SNTG2: variants seen among roughly 807,000 people sequenced by gnomAD.
The protein encoded by SNTG2 is gamma-2-syntrophin.
A neutral mutation model predicts 70.9 loss-of-function variants in SNTG2; 74 were observed. The ratio of observed to expected loss-of-function variants is 1.04; its 90% CI spans 0.86 to 1.27. SNTG2 has a LOEUF of 1.27. Among genes scored for constraint, SNTG2 ranks in the 50% most tolerant of loss-of-function variants. The probability of loss-of-function intolerance (pLI) is 0.00; values close to 1 mark genes in which losing one functional copy is unlikely to be tolerated. For missense variants in SNTG2, 717 were observed against 690.7 expected (o/e 1.04, Z -0.43); for synonymous variants, 278 against 273.8 (o/e 1.02, Z -0.15).
Position 995,889 on chromosome 2 carries a change from A to G in SNTG2, c.72+44821A>G, listed in dbSNP as rs2147982366. On this transcript the variant is annotated intron_variant, in intron 1 of 16. Coordinates refer to ENST00000308624, the MANE Select transcript of SNTG2 (RefSeq NM_018968.4). The stretch of plus-strand genomic sequence containing the variant: ...GGAAAAGAAACACAATCAGGAGGAG[A>G]GAGAGAATTAGTTGGCAAACAGCTC... Among the ~76,000 whole-genome samples the G allele has an allele frequency of 1.3e-5, 2 of 152,296 alleles. 1 individual carries two copies.
At chr2:1,096,205 T>C (rs556194282) in intron 2 of SNTG2, among the ~76,000 whole-genome samples, 23 of 152,310 alleles carry the variant, frequency 1.5e-4, no homozygotes, top group African/African-American at 5.5e-4. Flanking sequence ...TCAGCTTTAT[T>C]GAGCTACAAC....
intron 6 of SNTG2, among the ~76,000 whole-genome samples, chr2:1,146,783 A>G (rs961963120): frequency 5.3e-4 from 80 of 152,198 alleles, no homozygotes; most frequent in African/African-American, 1.7e-3. Flanking sequence ...AAAACATTAT[A>G]ATGGGGAAAA....
chr2:1,303,545 G>T (rs1558191478), intron 14 of SNTG2, among the ~76,000 whole-genome samples: 1 of 152,140 alleles, frequency 6.6e-6, no homozygotes, highest in Non-Finnish European at 1.5e-5. Context: ...AAGAGGAAAG[G>T]TCTAAAAACT....
chr2:967,632 T>C lies in SNTG2; in HGVS notation c.72+16564T>C, dbSNP rs571235037. On this transcript the variant is annotated intron_variant, in intron 1 of 16. Transcript: ENST00000308624. The stretch of plus-strand genomic sequence containing the variant: ...TATTTTGTCAGTGGGCATTTGCTTC[T>C]ACATTCACGTTGGATGTTGGTTTGT... Among the ~76,000 whole-genome samples, 86 of 152,352 alleles carry C rather than the reference T, an allele frequency of 5.6e-4. 1 individual carries two copies. The highest frequency in any genetic ancestry group is 2.1e-3 in the African/African-American group (86 of 41,594).
intron 2 of SNTG2, among the ~76,000 whole-genome samples, chr2:1,094,511 G>A (rs1195417100): frequency 3.0e-5 from 2 of 67,156 alleles, no homozygotes; most frequent in Non-Finnish European, 2.7e-5. Flanking sequence ...TACTGGCAAG[G>A]GCTGGCTTCC....
At chr2:1,338,703 A>C (rs1187030928) in intron 16 of SNTG2, among the ~76,000 whole-genome samples, 1 of 152,164 alleles carries the variant, frequency 6.6e-6, no homozygotes, top group Admixed American at 6.5e-5. Context: ...TATGTACCAG[A>C]ACATTCTTTT....
chr2:1,267,560 C>T lies in SNTG2; in HGVS notation c.1273C>T (p.Gln425Ter), dbSNP rs1678811808. The T allele has an allele frequency of 2.5e-6, 4 of 1,612,776 alleles. No individual in the cohort carries two copies. The highest frequency in any genetic ancestry group is 3.4e-6 in the Non-Finnish European group (4 of 1,179,848). ...SFQRATFMEV[Q>*]RTGSRTYMCS... ...CCAAAGAGCCACGTTCATGGAAGTT[C>T]AGAGAACCGGGGTAAGTGAACAACT... Residue 425 changes from glutamine (Q) to a stop codon, truncating the protein, a stop_gained, in exon 14 of 17, where the codon CAG becomes TAG. Coordinates refer to ENST00000308624, the MANE Select transcript of SNTG2 (RefSeq NM_018968.4). LOFTEE classifies it high-confidence loss of function.
Position 1,137,679 on chromosome 2 carries a change from A to G in SNTG2, c.369+14A>G. The stretch of plus-strand genomic sequence containing the variant: ...GCTGTTCTCCAGGTCAGTATTGTAC[A>G]CGTTAATCCTTAACTTGATTGCATT... On this transcript the variant is annotated intron_variant, in intron 5 of 16. Coordinates refer to ENST00000308624, the MANE Select transcript of SNTG2 (RefSeq NM_018968.4). The G allele has an allele frequency of 6.2e-7, 1 of 1,613,560 alleles. No homozygotes were observed. Among genetic ancestry groups the G allele is most frequent in the East Asian group, 2.2e-5 (1 of 44,884 alleles).
In SNTG2 at chr2:1,041,364, T is replaced by A. The variant is rs140783805; in HGVS notation, c.73-42154T>A. ...AGTCTTTAACATGTCTAGACTTAAG[T>A]AAGGATCCAATCTACTGTTTTTGTT... On this transcript the variant is annotated intron_variant, in intron 1 of 16. Transcript: ENST00000308624. Among the ~76,000 whole-genome samples the A allele has an allele frequency of 4.9e-3, 748 of 152,334 alleles. 4 individuals are homozygous for A. Among genetic ancestry groups the A allele is most frequent in the Admixed American group, 0.011 (170 of 15,298 alleles).
chr2:1,303,128 C>T (rs1392291280), intron 14 of SNTG2, among the ~76,000 whole-genome samples: 11 of 152,166 alleles, frequency 7.2e-5, no homozygotes, highest in South Asian at 2.1e-4. Context: ...TTCAACAGTA[C>T]CATCAACTAA....
At chr2:1,066,840 G>A (rs561862814) in intron 1 of SNTG2, among the ~76,000 whole-genome samples, 14 of 152,194 alleles carry the variant, frequency 9.2e-5, no homozygotes, top group African/African-American at 2.4e-4. Context: ...GCAGCTTCTC[G>A]TGTGGTTGTA....
chr2:1,147,979 T>C (rs888436838), intron 6 of SNTG2, among the ~76,000 whole-genome samples: 7 of 152,250 alleles, frequency 4.6e-5, no homozygotes, highest in African/African-American at 1.7e-4. Flanking sequence ...AGAATTCATC[T>C]GTTTTTGCAT....
chr2:1,239,058 C>A (rs1361200952), intron 10 of SNTG2, among the ~76,000 whole-genome samples: 7 of 152,232 alleles, frequency 4.6e-5, no homozygotes, highest in African/African-American at 1.4e-4. Context: ...TTGTAGTTTT[C>A]AAACGCAACA....
chr2:1,350,997 G>C (rs901038692), intron 16 of SNTG2, among the ~76,000 whole-genome samples: 2 of 151,780 alleles, frequency 1.3e-5, no homozygotes, highest in Admixed American at 1.3e-4. Flanking sequence ...GTTTGGAATG[G>C]GTAAAATTCT....
At chr2:1,142,488 T>C (rs1404070091) in intron 6 of SNTG2, among the ~76,000 whole-genome samples, 5 of 110,584 alleles carry the variant, frequency 4.5e-5, no homozygotes, top group African/African-American at 1.8e-4. Context: ...CCTTCCTCAC[T>C]TAGGGTTTTT....
intron 1 of SNTG2, among the ~76,000 whole-genome samples, chr2:1,024,784 C>G (rs951508430): frequency 6.6e-6 from 1 of 152,160 alleles, no homozygotes; most frequent in Non-Finnish European, 1.5e-5. Flanking sequence ...CAGTGACTTA[C>G]ACTAGCAAAT....
chr2:956,318 G>A (rs938222469), intron 1 of SNTG2, among the ~76,000 whole-genome samples: 6 of 151,592 alleles, frequency 4.0e-5, no homozygotes, highest in African/African-American at 1.5e-4. Context: ...CATTCTGCGC[G>A]GACCTTTCCA....
intron 8 of SNTG2, among the ~76,000 whole-genome samples, chr2:1,189,196 AG>A (rs1024338761): frequency 1.4e-4 from 22 of 152,348 alleles, no homozygotes; most frequent in African/African-American, 5.3e-4. Context: ...ATATAAATAA[AG>A]TATAAGGTAG....
At chr2:1,066,685 A>G (rs181496665) in intron 1 of SNTG2, among the ~76,000 whole-genome samples, 251 of 152,284 alleles carry the variant, frequency 1.6e-3, no homozygotes, top group Middle Eastern at 3.4e-3. Flanking sequence ...ATTGTTGCAT[A>G]GAATAAGAGA....
Sources: gnomAD v4.1 joint callset for allele counts (sites outside exome capture counted in the v4.1 genomes callset) on GRCh38, gnomAD v4.1.1 for gene constraint, MANE v1.5 for transcripts, NCBI Gene and HGNC (gene_info 2026-07-23, HGNC 2026-07-21) for gene names.